ASTN2: variants seen among roughly 807,000 people sequenced by gnomAD.
ASTN2 encodes astrotactin-2.
In ASTN2, 54 loss-of-function variants were observed where a neutral mutation model predicts 139.8. The ratio of observed to expected loss-of-function variants is 0.39; its 90% CI spans 0.31 to 0.48. ASTN2 has a LOEUF of 0.48. Among genes scored for constraint, ASTN2 ranks in the 20% least tolerant of loss-of-function variants. The probability of loss-of-function intolerance (pLI) is 0.95; values close to 1 mark genes in which losing one functional copy is unlikely to be tolerated. For synonymous variants in ASTN2, 756 were observed against 719.5 expected, an observed-to-expected ratio of 1.05 and a Z score of -0.81; for missense variants, 1,565 against 1,725.1, an observed-to-expected ratio of 0.91 and a Z score of 1.64.
intron 1 of ASTN2, among the ~76,000 whole-genome samples, chr9:117,396,210 C>G (rs1377764112): frequency 6.6e-6 from 1 of 152,192 alleles, no homozygotes; most frequent in Non-Finnish European, 1.5e-5. Context: ...GCCTCAGCCA[C>G]TAAAACTGCT....
At chr9:116,913,693 G>A (rs1192506919) in intron 10 of ASTN2, among the ~76,000 whole-genome samples, 3 of 152,156 alleles carry the variant, frequency 2.0e-5, no homozygotes, top group Admixed American at 6.5e-5. Context: ...CTGCCAGAAT[G>A]GAGACACATG....
intron 20 of ASTN2, among the ~76,000 whole-genome samples, chr9:116,458,657 C>T (rs1017261505): frequency 6.6e-6 from 1 of 151,722 alleles, no homozygotes; most frequent in African/African-American, 2.4e-5. Flanking sequence ...GTATTAAAAA[C>T]TGTATTTACA....
intron 13 of ASTN2, among the ~76,000 whole-genome samples, chr9:116,790,647 T>C (rs193016028): frequency 1.3e-5 from 2 of 151,840 alleles, no homozygotes; most frequent in Non-Finnish European, 2.9e-5. Flanking sequence ...AATAGGGACG[T>C]CAACTGTCTT....
chr9:117,267,159 T>C (rs1368634697), intron 2 of ASTN2, among the ~76,000 whole-genome samples: 2 of 152,016 alleles, frequency 1.3e-5, no homozygotes, highest in Non-Finnish European at 2.9e-5. Flanking sequence ...AAAATAAAAA[T>C]AAAAATCAGA....
intron 10 of ASTN2, among the ~76,000 whole-genome samples, chr9:116,876,414 A>C (rs1012382617): frequency 6.6e-6 from 1 of 152,266 alleles, no homozygotes; most frequent in Non-Finnish European, 1.5e-5. Context: ...TGTTGAAATA[A>C]GAACAAAAGA....
At chr9:116,552,741 A>G (rs1852408406) in intron 19 of ASTN2, among the ~76,000 whole-genome samples, 1 of 152,158 alleles carries the variant, frequency 6.6e-6, no homozygotes, top group African/African-American at 2.4e-5. Flanking sequence ...TCAAAGCAAA[A>G]ATAAAGATCC....
intron 1 of ASTN2, among the ~76,000 whole-genome samples, chr9:117,411,417 G>T (rs543969590): frequency 1.0e-3 from 94 of 90,818 alleles, no homozygotes; most frequent in African/African-American, 4.2e-3. Context: ...TTGATAGGGA[G>T]ACTAGAAATA....
intron 19 of ASTN2, among the ~76,000 whole-genome samples, chr9:116,533,611 G>A (rs903071942): frequency 2.6e-5 from 4 of 152,130 alleles, no homozygotes; most frequent in African/African-American, 9.7e-5. Context: ...TGCATCTATT[G>A]AGATAATCAT....
intron 1 of ASTN2, among the ~76,000 whole-genome samples, chr9:117,340,495 G>T (rs1054462570): frequency 6.6e-6 from 1 of 151,982 alleles, no homozygotes; most frequent in African/African-American, 2.4e-5. Context: ...TACATCAAGG[G>T]CTCAATAATA....
intron 10 of ASTN2, among the ~76,000 whole-genome samples, chr9:116,875,035 T>G (rs967818268): frequency 6.6e-6 from 1 of 152,198 alleles, no homozygotes; most frequent in African/African-American, 2.4e-5. Context: ...TCAGGCCTAT[T>G]AATAACCCTA....
At chr9:117,410,682 C>T (rs1645869395) in intron 1 of ASTN2, among the ~76,000 whole-genome samples, 1 of 152,106 alleles carries the variant, frequency 6.6e-6, no homozygotes, top group African/African-American at 2.4e-5. Context: ...CCTATTAAAT[C>T]CTCCAAGGCC....
chr9:116,990,495 G>T (rs544035609), intron 7 of ASTN2, among the ~76,000 whole-genome samples: 2 of 144,858 alleles, frequency 1.4e-5, no homozygotes, highest in East Asian at 3.9e-4. Flanking sequence ...TCTAACTCCT[G>T]GCCTCAAGTG....
intron 20 of ASTN2, among the ~76,000 whole-genome samples, chr9:116,463,341 A>G (rs1209439510): frequency 2.0e-5 from 3 of 152,046 alleles, no homozygotes; most frequent in Non-Finnish European, 2.9e-5. Context: ...ATCTCTCCCC[A>G]CCATCCATAA....
chr9:116,497,729 G>T (rs1253180013), intron 19 of ASTN2, among the ~76,000 whole-genome samples: 1 of 152,116 alleles, frequency 6.6e-6, no homozygotes, highest in Non-Finnish European at 1.5e-5. Context: ...TGGGGAGAAG[G>T]GGGAGGGATG....
At chr9:116,518,694 C>T (rs1850749597) in intron 19 of ASTN2, among the ~76,000 whole-genome samples, 1 of 152,044 alleles carries the variant, frequency 6.6e-6, no homozygotes, top group South Asian at 2.1e-4. Flanking sequence ...TGTGAGTGGC[C>T]TAAAGGCTCC....
chr9:116,466,669 T>C (rs1334409418), intron 20 of ASTN2, among the ~76,000 whole-genome samples: 2 of 152,158 alleles, frequency 1.3e-5, no homozygotes, highest in African/African-American at 4.8e-5. Context: ...GGACCCGGCT[T>C]TGTGCTTCTG....
At chr9:116,841,277 T>C (rs1832245643) in intron 11 of ASTN2, among the ~76,000 whole-genome samples, 1 of 151,848 alleles carries the variant, frequency 6.6e-6, no homozygotes, top group Non-Finnish European at 1.5e-5. Flanking sequence ...CTCGGCAAGC[T>C]GAGGCAGGAG....
chr9:116,810,861 C>A (rs1423875548), intron 12 of ASTN2, among the ~76,000 whole-genome samples: 2 of 152,118 alleles, frequency 1.3e-5, no homozygotes, highest in Non-Finnish European at 2.9e-5. Context: ...TAGCTCTTAT[C>A]ATTTATTTCC....
At chr9:116,997,197 C>T (rs932496167) in intron 7 of ASTN2, among the ~76,000 whole-genome samples, 1 of 152,192 alleles carries the variant, frequency 6.6e-6, no homozygotes, top group Non-Finnish European at 1.5e-5. Context: ...TTTACCCTAA[C>T]CTTCTTGACC....
Sources: gnomAD v4.1 joint callset for allele counts (sites outside exome capture counted in the v4.1 genomes callset) on GRCh38, gnomAD v4.1.1 for gene constraint, MANE v1.5 for transcripts, NCBI Gene and HGNC (gene_info 2026-07-23, HGNC 2026-07-21) for gene names.